Variants in SGCD observed in about 807,000 individuals in gnomAD.
SGCD encodes sarcoglycan delta, also known as delta-sarcoglycan.
Under a neutral mutation model 36.6 loss-of-function variants are expected in SGCD, and 18 were observed. That is an observed-to-expected ratio of 0.49 (90% confidence interval 0.34 to 0.73). The LOEUF (loss-of-function observed/expected upper bound fraction) is 0.73. SGCD is among the 30% of genes least tolerant of loss of function. The pLI is 0.01. For synonymous variants in SGCD, 133 were observed against 130.6 expected (o/e 1.02, Z -0.12); for missense variants, 387 against 346.7 (o/e 1.12, Z -0.92).
Position 156,500,744 on chromosome 5 carries a change from T to C in SGCD, c.193-7857T>C, listed in dbSNP as rs559406106. On this transcript the variant is annotated intron_variant, in intron 3 of 8. Coordinates refer to ENST00000337851, the MANE Select transcript of SGCD (RefSeq NM_000337.6). ...ACTCTGGGTGTTTTTCATCAGTCTTTAGTATCCCTAGGAGTCCTGGGCATG... is the reference window on the plus strand; with the variant it reads ...ACTCTGGGTGTTTTTCATCAGTCTTCAGTATCCCTAGGAGTCCTGGGCATG... 3.9e-5 allele frequency among the ~76,000 whole-genome samples: 6 copies of C among 152,310 alleles called. No individual in the cohort carries two copies. The East Asian group carries it at 9.6e-4, about 24-fold the overall frequency.
At chr5:156,546,788 A>G (rs980322505) in intron 4 of SGCD, among the ~76,000 whole-genome samples, 3 of 152,228 alleles carry the variant, frequency 2.0e-5, no homozygotes, top group Non-Finnish European at 4.4e-5. Context: ...TTGACTTGTT[A>G]CAGTGAACCC....
At chr5:156,498,828 T>C (rs1214385161) in intron 3 of SGCD, among the ~76,000 whole-genome samples, 1 of 152,160 alleles carries the variant, frequency 6.6e-6, no homozygotes, top group African/African-American at 2.4e-5. Flanking sequence ...CGTGTTTAAA[T>C]TCTTAACAGG....
intron 3 of SGCD, among the ~76,000 whole-genome samples, chr5:156,408,688 C>T (rs1012791143): frequency 3.9e-5 from 6 of 152,122 alleles, no homozygotes; most frequent in South Asian, 2.1e-4. Context: ...GCGTATCACC[C>T]CTTGTCTTCT....
intron 1 of SGCD, among the ~76,000 whole-genome samples, chr5:155,902,592 G>A (rs1389040883): frequency 6.6e-6 from 1 of 152,112 alleles, no homozygotes; most frequent in Non-Finnish European, 1.5e-5. Flanking sequence ...CCCCAGTGTG[G>A]TCCCCTAGTT....
the SGCD span, among the ~76,000 whole-genome samples, chr5:155,781,854 A>G: frequency 6.6e-6 from 1 of 152,078 alleles, no homozygotes; most frequent in East Asian, 1.9e-4. Flanking sequence ...AGGAAAAGAA[A>G]GACTAGGAGA....
intron 6 of SGCD, among the ~76,000 whole-genome samples, chr5:156,603,434 C>T (rs1457178856): frequency 3.3e-5 from 5 of 151,862 alleles, no homozygotes; most frequent in Admixed American, 6.6e-5. Flanking sequence ...TCTACTCGAT[C>T]TTTATTATTT....
intron 1 of SGCD, among the ~76,000 whole-genome samples, chr5:155,964,149 C>T (rs1014783932): frequency 1.3e-5 from 2 of 152,006 alleles, no homozygotes; most frequent in South Asian, 2.1e-4. Flanking sequence ...GGATGTTTTT[C>T]TTTGACTTAA....
At chr5:156,675,708 C>A (rs1753479782) in intron 7 of SGCD, among the ~76,000 whole-genome samples, 1 of 152,114 alleles carries the variant, frequency 6.6e-6, no homozygotes, top group Non-Finnish European at 1.5e-5. Context: ...ATTCCTACTG[C>A]AAAGAGTTTT....
chr5:156,070,224 C>T (rs201200936), intron 1 of SGCD, among the ~76,000 whole-genome samples: 103 of 151,726 alleles, frequency 6.8e-4, no homozygotes, highest in African/African-American at 1.9e-3. Flanking sequence ...TCAAAGGGAA[C>T]GCTTCCAGTT....
intron 3 of SGCD, among the ~76,000 whole-genome samples, chr5:156,372,994 T>C (rs976357817): frequency 1.3e-5 from 2 of 152,050 alleles, no homozygotes; most frequent in Non-Finnish European, 2.9e-5. Flanking sequence ...ATTTAAGGTG[T>C]AGAGAAATGT....
intron 3 of SGCD, among the ~76,000 whole-genome samples, chr5:156,478,583 AC>A (rs1410085165): frequency 6.6e-6 from 1 of 151,820 alleles, no homozygotes; most frequent in Non-Finnish European, 1.5e-5. Context: ...TCTCCAGTTG[AC>A]TTTTTTTTGT....
At chr5:156,630,978 A>T (rs540705931) in intron 6 of SGCD, among the ~76,000 whole-genome samples, 2 of 152,310 alleles carry the variant, frequency 1.3e-5, no homozygotes, top group East Asian at 1.9e-4. Flanking sequence ...ATAAACTAAC[A>T]AACAGAGAAA....
chr5:156,292,689 C>T (rs1029057858), intron 3 of SGCD, among the ~76,000 whole-genome samples: 1 of 152,092 alleles, frequency 6.6e-6, no homozygotes, highest in Admixed American at 6.6e-5. Flanking sequence ...CTATTTTCCA[C>T]AGTGGGATGT....
At chr5:156,494,804 T>C (rs1259795866) in intron 3 of SGCD, among the ~76,000 whole-genome samples, 1 of 152,234 alleles carries the variant, frequency 6.6e-6, no homozygotes, top group East Asian at 1.9e-4. Flanking sequence ...TCTGATCACA[T>C]TGGCTGATGC....
At chr5:156,590,956 T>G (rs1010225066) in intron 5 of SGCD, among the ~76,000 whole-genome samples, 1 of 152,098 alleles carries the variant, frequency 6.6e-6, no homozygotes, top group African/African-American at 2.4e-5. Context: ...TTCTTGACTC[T>G]ATCCCTCCAG....
At chr5:155,742,585 C>T in the SGCD span, among the ~76,000 whole-genome samples, 12 of 152,320 alleles carry the variant, frequency 7.9e-5, no homozygotes, top group African/African-American at 2.2e-4. Flanking sequence ...TTTCCTTCCA[C>T]GTTCAGACGT....
At chr5:155,966,935 A>ATGTGTGTG (rs145801010) in intron 1 of SGCD, among the ~76,000 whole-genome samples, 2 of 148,184 alleles carry the variant, frequency 1.3e-5, no homozygotes, top group African/African-American at 2.5e-5. Flanking sequence ...ATAGGTTTTC[A>ATGTGTGTG]TGTGTGTGTG....
At chr5:155,907,057 C>T (rs1293931128) in intron 1 of SGCD, among the ~76,000 whole-genome samples, 3 of 152,104 alleles carry the variant, frequency 2.0e-5, no homozygotes. Context: ...AGTCAGTGCT[C>T]ATTTGCCATA....
At chr5:156,712,803 T>C (rs1463373010) in intron 7 of SGCD, among the ~76,000 whole-genome samples, 1 of 152,140 alleles carries the variant, frequency 6.6e-6, no homozygotes, top group African/African-American at 2.4e-5. Flanking sequence ...CAACCCCTTT[T>C]CCAGGACAGC....
Sources: allele counts gnomAD v4.1 joint callset (sites outside exome capture counted in the v4.1 genomes callset), GRCh38; gene constraint gnomAD v4.1.1; transcripts MANE v1.5; gene names NCBI Gene and HGNC (gene_info 2026-07-23, HGNC 2026-07-21).